Variants in CPLX1 observed in about 807,000 individuals in gnomAD.
The protein encoded by CPLX1 is complexin-1.
CPLX1 carries 6 observed loss-of-function variants against 15.6 expected under a neutral mutation model. The observed-to-expected ratio is 0.39, with a 90% CI of 0.21 to 0.76. The LOEUF is 0.76. Among genes scored for constraint, CPLX1 ranks in the 30% least tolerant of loss-of-function variants. CPLX1 has a pLI of 0.43. For missense variants in CPLX1, 242 were observed against 188.6 expected, an observed-to-expected ratio of 1.28 and a Z score of -1.66; for synonymous variants, 91 against 75.2, an observed-to-expected ratio of 1.21 and a Z score of -1.08.
intron 2 of CPLX1, among the ~76,000 whole-genome samples, chr4:794,513 A>G (rs557000582): frequency 6.6e-6 from 1 of 152,338 alleles, no homozygotes; most frequent in African/African-American, 2.4e-5. Context: ...AAACTGGGTC[A>G]CAGTAGAGTT....
rs202217824 is a variant in CPLX1, at chr4:786,567, G to C, written c.339C>G (p.Asp113Glu). The C allele has an allele frequency of 1.5e-5, 24 of 1,609,966 alleles. No individual in the cohort carries two copies. In the African/African-American group the frequency reaches 2.0e-4, roughly 13 times the overall value. Residue 113 changes from aspartate to glutamate, a missense_variant, in exon 4 of 4, where the codon GAC becomes GAG. Transcript: ENST00000304062. ...TGATGACGGTGTCCAGGATGCTCTC[G>C]TCCTCCTCCTCCACCTCGTCCCCGC... is the stretch of plus-strand genomic sequence containing the variant. ...PGCGDEVEEEDESILDTVIKY... is the reference protein window; with the variant it reads ...PGCGDEVEEEEESILDTVIKY...
At chr4:819,453 C>T (rs1284393979) in intron 2 of CPLX1, among the ~76,000 whole-genome samples, 2 of 152,246 alleles carry the variant, frequency 1.3e-5, no homozygotes, top group Non-Finnish European at 2.9e-5. Flanking sequence ...TGAGTGCTTT[C>T]TCGACCACAC....
At chr4:792,241 T>C (rs1471250526) in intron 3 of CPLX1, among the ~76,000 whole-genome samples, 192 bp downstream of exon 3, 2 of 152,148 alleles carry the variant, frequency 1.3e-5, no homozygotes, top group Admixed American at 1.3e-4. Flanking sequence ...CAGGAGGGGC[T>C]GGGCCCCACA....
intron 2 of CPLX1, among the ~76,000 whole-genome samples, chr4:815,360 G>A (rs1479814478): frequency 2.8e-5 from 4 of 140,938 alleles, no homozygotes; most frequent in African/African-American, 5.3e-5. Context: ...TCAGTGAGCC[G>A]AGATTGTGCC....
rs572212140 is a variant in CPLX1 at position 792,279 on chromosome 4, C to T, written c.207+154G>A. Among the ~76,000 whole-genome samples, 7 of 152,276 alleles carry T rather than the reference C, an allele frequency of 4.6e-5. No homozygotes were observed. In the South Asian group the frequency reaches 1.4e-3, roughly 32 times the overall value. ...GGGAGCCCAACCCGGAGCCCCCACC[C>T]CTCACCCCTCCGCCACTCTGAAGCC... On this transcript the variant is annotated intron_variant, in intron 3 of 3. Coordinates refer to ENST00000304062, the MANE Select transcript of CPLX1 (RefSeq NM_006651.4).
chr4:801,349 G>A (rs565001933), intron 2 of CPLX1, among the ~76,000 whole-genome samples: 6 of 151,836 alleles, frequency 4.0e-5, no homozygotes, highest in Non-Finnish European at 5.9e-5. Flanking sequence ...CTTATATTCA[G>A]AATACACAAA....
chr4:787,965 C>A (rs998389546), intron 3 of CPLX1: 1 of 985,284 alleles, frequency 1.0e-6, no homozygotes, highest in African/African-American at 1.7e-5. Flanking sequence ...CGGGCCAGGT[C>A]CAAGGTCCTG....
chr4:787,848 C>T, intron 3 of CPLX1: 1 of 985,434 alleles, frequency 1.0e-6, no homozygotes, highest in Non-Finnish European at 1.2e-6. Context: ...TACGGAACAG[C>T]CTCCTGCTGC....
chr4:809,987 C>T lies in CPLX1; in HGVS notation c.31+14505G>A, dbSNP rs529446451. Among the ~76,000 whole-genome samples, 11 of 152,250 alleles carry T rather than the reference C, an allele frequency of 7.2e-5. No homozygotes were observed. In the East Asian group the frequency reaches 1.5e-3, roughly 21 times the overall value. ...TGTGGATGCACACGGCTCCTTCACC[C>T]GCCCACCTGTGTGTGAACCGTGGGT... On this transcript the variant is annotated intron_variant, in intron 2 of 3. Coordinates refer to ENST00000304062, the MANE Select transcript of CPLX1 (RefSeq NM_006651.4).
intron 2 of CPLX1, among the ~76,000 whole-genome samples, chr4:815,669 T>C (rs901416383): frequency 4.6e-5 from 7 of 152,210 alleles, no homozygotes; most frequent in Non-Finnish European, 1.0e-4. Context: ...AAGTCCGTTA[T>C]TGTAAGTTCC....
intron 2 of CPLX1, among the ~76,000 whole-genome samples, chr4:795,875 C>T (rs919082255): frequency 6.6e-6 from 1 of 152,166 alleles, no homozygotes; most frequent in Non-Finnish European, 1.5e-5. Flanking sequence ...CCCACCCCAC[C>T]TCCCGGTAGC....
chr4:796,432 C>T (rs909043991), intron 2 of CPLX1, among the ~76,000 whole-genome samples: 2 of 152,138 alleles, frequency 1.3e-5, no homozygotes, highest in African/African-American at 2.4e-5. Flanking sequence ...ACTACAGGCA[C>T]GCGCCACCAC....
At position 820,118 on chromosome 4, in the gene CPLX1, G is replaced by A. The variant is rs548396523; in HGVS notation, c.31+4374C>T. 6.0e-5 allele frequency among the ~76,000 whole-genome samples: 9 copies of A among 150,424 alleles called. No homozygotes were observed. In the South Asian group the frequency reaches 6.4e-4, roughly 11 times the overall value. On this transcript the variant is annotated intron_variant, in intron 2 of 3. Coordinates refer to ENST00000304062, the MANE Select transcript of CPLX1 (RefSeq NM_006651.4). Reference sequence around the variant, plus strand: ...GCCTGCAGCTCCACCGTCCTCCCAGGTCCAGCTCAGCCCAGCCTGCAGCTC... The same window carrying A: ...GCCTGCAGCTCCACCGTCCTCCCAGATCCAGCTCAGCCCAGCCTGCAGCTC...
chr4:797,627 C>T (rs1233447237), intron 2 of CPLX1, among the ~76,000 whole-genome samples: 4 of 149,930 alleles, frequency 2.7e-5, no homozygotes, highest in Non-Finnish European at 4.5e-5. Flanking sequence ...AGCCTGGCCA[C>T]AACCTGACTT....
intron 1 of CPLX1, among the ~76,000 whole-genome samples, chr4:825,587 G>A (rs577014799): frequency 1.3e-5 from 2 of 152,070 alleles, no homozygotes; most frequent in South Asian, 4.1e-4. Flanking sequence ...CCTCAGGCGG[G>A]AGCGCGCCAG....
chr4:824,433 G>T, intron 2 of CPLX1, 59 bp downstream of exon 2: 1 of 1,470,752 alleles, frequency 6.8e-7, no homozygotes, highest in South Asian at 1.1e-5. Flanking sequence ...AGGAGCAGCT[G>T]CTGTGGTGGT....
intron 2 of CPLX1, among the ~76,000 whole-genome samples, chr4:798,692 C>T (rs753474320): frequency 2.0e-5 from 3 of 152,212 alleles, no homozygotes; most frequent in Non-Finnish European, 2.9e-5. Context: ...CCACTGTGCC[C>T]GGCCAGATAG....
chr4:792,620 G>C lies in CPLX1; in HGVS notation c.32-12C>G. On this transcript the variant is annotated splice_polypyrimidine_tract_variant and intron_variant, in intron 2 of 3. Coordinates refer to ENST00000304062, the MANE Select transcript of CPLX1 (RefSeq NM_006651.4). Reference sequence around the variant, plus strand: ...GTCCTTGGTGGCCCCTGGTACAGAAGTTGGTGATTCAGACCGCCCCATTCA... The same window carrying C: ...GTCCTTGGTGGCCCCTGGTACAGAACTTGGTGATTCAGACCGCCCCATTCA... 6.2e-7 allele frequency: 1 copy of C among 1,607,862 alleles called. No homozygotes were observed. Among genetic ancestry groups the C allele is most frequent in the East Asian group, 2.3e-5 (1 of 44,350 alleles).
intron 2 of CPLX1, among the ~76,000 whole-genome samples, chr4:798,716 G>A (rs994525957): frequency 6.6e-6 from 1 of 152,140 alleles, no homozygotes; most frequent in Non-Finnish European, 1.5e-5. Flanking sequence ...TTTCAGAAGC[G>A]CACTGGCTCA....
Sources: allele counts gnomAD v4.1 joint callset (sites outside exome capture counted in the v4.1 genomes callset), GRCh38; gene constraint gnomAD v4.1.1; transcripts MANE v1.5; gene names NCBI Gene and HGNC (gene_info 2026-07-23, HGNC 2026-07-21).